The following ADAMTSL1 variants were observed in gnomAD, a reference collection of about 807,000 sequenced individuals.
The protein encoded by ADAMTSL1 is ADAMTS like 1.
ADAMTSL1 carries 126 observed loss-of-function variants against 201.8 expected under a neutral mutation model. The observed-to-expected ratio is 0.62, with a 90% confidence interval of 0.54 to 0.72. The LOEUF is 0.72. Ranked by LOEUF, ADAMTSL1 falls within the 30% of genes least tolerant of loss-of-function variation. The probability of loss-of-function intolerance (pLI) is 0.00; values close to 1 mark genes in which losing one functional copy is unlikely to be tolerated. For synonymous variants in ADAMTSL1, 1,121 were observed against 903.4 expected, an observed-to-expected ratio of 1.24 and a Z score of -4.32; for missense variants, 2,679 against 2,277.8, an observed-to-expected ratio of 1.18 and a Z score of -3.59.
chr9:18,367,939 G>A (rs1467822156), intron 2 of ADAMTSL1, among the ~76,000 whole-genome samples: 1 of 151,586 alleles, frequency 6.6e-6, no homozygotes, highest in African/African-American at 2.4e-5. Context: ...TCGCTCTGTC[G>A]CCCAGGCTGG....
intron 1 of ADAMTSL1, among the ~76,000 whole-genome samples, chr9:18,076,312 G>T (rs527473859): frequency 6.6e-6 from 1 of 152,296 alleles, no homozygotes; most frequent in Non-Finnish European, 1.5e-5. Flanking sequence ...ACATCTTACT[G>T]AGTTCCTTCT....
rs376858433 is a variant in ADAMTSL1, at chr9:18,853,171, A to G, written c.4249+23194A>G. ...GGGACCTAAACAACAGATGGGGATTAGACAGGCCAAGACAGGAACATAGGT... is the reference window on the plus strand; with the variant it reads ...GGGACCTAAACAACAGATGGGGATTGGACAGGCCAAGACAGGAACATAGGT... On this transcript the variant is annotated intron_variant, in intron 23 of 28. Coordinates refer to ENST00000380548, the MANE Select transcript of ADAMTSL1 (RefSeq NM_001040272.6). Among the ~76,000 whole-genome samples, 14 of 152,354 alleles carry G rather than the reference A, an allele frequency of 9.2e-5. 1 individual carries two copies. Among genetic ancestry groups the G allele is most frequent in the Admixed American group, 7.2e-4 (11 of 15,298 alleles).
At chr9:18,427,245 G>A (rs991987630) in intron 2 of ADAMTSL1, among the ~76,000 whole-genome samples, 3 of 152,228 alleles carry the variant, frequency 2.0e-5, no homozygotes, top group Non-Finnish European at 4.4e-5. Context: ...TAGTTAGAAA[G>A]ATCCCAGTTT....
chr9:18,567,985 A>G (rs1822039354), intron 3 of ADAMTSL1, among the ~76,000 whole-genome samples: 1 of 152,210 alleles, frequency 6.6e-6, no homozygotes, highest in Admixed American at 6.5e-5. Flanking sequence ...TAACTCTACT[A>G]TAACAACATG....
intron 1 of ADAMTSL1, among the ~76,000 whole-genome samples, chr9:18,037,271 A>G (rs1341318066): frequency 6.6e-6 from 1 of 152,162 alleles, no homozygotes; most frequent in Admixed American, 6.6e-5. Flanking sequence ...TGCATGTCGT[A>G]TATTTGGTCA....
At chr9:18,179,393 C>A (rs140187080) in intron 2 of ADAMTSL1, among the ~76,000 whole-genome samples, 1 of 152,162 alleles carries the variant, frequency 6.6e-6, no homozygotes, top group African/African-American at 2.4e-5. Context: ...ACCAAATCTA[C>A]GTCTGACTGG....
chr9:18,594,290 C>A (rs758013299), intron 4 of ADAMTSL1, among the ~76,000 whole-genome samples: 1 of 151,844 alleles, frequency 6.6e-6, no homozygotes, highest in Non-Finnish European at 1.5e-5. Flanking sequence ...TTTCAGGATT[C>A]TTTTCTTTTA....
chr9:18,011,039 C>A (rs386471014), intron 1 of ADAMTSL1, among the ~76,000 whole-genome samples: 1 of 151,954 alleles, frequency 6.6e-6, no homozygotes. Context: ...TTGCAGAATT[C>A]TTTAGAACAC....
chr9:17,927,731 A>G (rs1372046089), intron 1 of ADAMTSL1, among the ~76,000 whole-genome samples: 1 of 152,140 alleles, frequency 6.6e-6, no homozygotes, highest in Non-Finnish European at 1.5e-5. Flanking sequence ...AAAGTATTTC[A>G]GAGGATATGT....
chr9:18,646,992 A>G (rs368692929), intron 7 of ADAMTSL1, among the ~76,000 whole-genome samples: 14 of 151,964 alleles, frequency 9.2e-5, no homozygotes, highest in Non-Finnish European at 1.5e-4. Context: ...ACCTCTGGTA[A>G]AATTTGGCTG....
intron 1 of ADAMTSL1, among the ~76,000 whole-genome samples, chr9:18,149,854 TCAGGAGGCAG>T (rs1199347508): frequency 6.6e-6 from 1 of 151,854 alleles, no homozygotes; most frequent in Non-Finnish European, 1.5e-5. Context: ...GAAAAGATAT[TCAGGAGGCAG>T]CAGGGCTAGG....
chr9:18,005,052 A>G (rs1819756054), intron 1 of ADAMTSL1, among the ~76,000 whole-genome samples: 1 of 152,140 alleles, frequency 6.6e-6, no homozygotes, highest in African/African-American at 2.4e-5. Flanking sequence ...ATGAGTAAGT[A>G]GGTGGTGACA....
At chr9:18,563,018 C>A (rs756675715) in intron 3 of ADAMTSL1, among the ~76,000 whole-genome samples, 11 of 152,346 alleles carry the variant, frequency 7.2e-5, no homozygotes, top group South Asian at 6.2e-4. Flanking sequence ...CTACTTCTGT[C>A]AATACATCAA....
intron 2 of ADAMTSL1, among the ~76,000 whole-genome samples, chr9:18,291,697 GCTCT>G (rs71333035): frequency 3.0e-5 from 4 of 132,616 alleles, no homozygotes; most frequent in Non-Finnish European, 4.8e-5. Flanking sequence ...GTGCGCACAT[GCTCT>G]CTCTCTCTCT....
intron 25 of ADAMTSL1, chr9:18,890,843 T>G (rs1829212244): frequency 3.2e-6 from 1 of 309,368 alleles, no homozygotes; most frequent in Non-Finnish European, 6.4e-6. Context: ...CTTGCCAAGC[T>G]GTGCAAAATG....
chr9:18,449,247 G>C (rs1230697246), intron 2 of ADAMTSL1, among the ~76,000 whole-genome samples: 2 of 151,138 alleles, frequency 1.3e-5, no homozygotes, highest in East Asian at 3.9e-4. Flanking sequence ...ATTAAATTTA[G>C]TTTATCAGCT....
chr9:18,047,141 GA>G (rs1721387397), intron 1 of ADAMTSL1, among the ~76,000 whole-genome samples: 2 of 152,080 alleles, frequency 1.3e-5, no homozygotes, highest in Admixed American at 1.3e-4. Context: ...TATGAGTCTA[GA>G]AAGAAGATGG....
At chr9:17,992,855 C>T (rs1263940639) in intron 1 of ADAMTSL1, among the ~76,000 whole-genome samples, 1 of 152,162 alleles carries the variant, frequency 6.6e-6, no homozygotes, top group East Asian at 1.9e-4. Context: ...TTTCTGTAAT[C>T]CCCTAACTTA....
intron 2 of ADAMTSL1, among the ~76,000 whole-genome samples, chr9:18,524,446 T>C (rs1225127753): frequency 6.6e-6 from 1 of 152,170 alleles, no homozygotes; most frequent in Admixed American, 6.6e-5. Context: ...TTCTCCTGCC[T>C]GATTGCCCTG....
Sources: allele counts gnomAD v4.1 joint callset (sites outside exome capture counted in the v4.1 genomes callset), GRCh38; gene constraint gnomAD v4.1.1; transcripts MANE v1.5; gene names NCBI Gene and HGNC (gene_info 2026-07-23, HGNC 2026-07-21).